Variants in CBFA2T2 observed in about 807,000 individuals in gnomAD.
The protein encoded by CBFA2T2 is protein CBFA2T2.
A neutral mutation model predicts 62.2 loss-of-function variants in CBFA2T2; 11 were observed. The ratio of observed to expected loss-of-function variants is 0.18; its 90% CI spans 0.11 to 0.29. The LOEUF is 0.29. Ranked by LOEUF, CBFA2T2 falls within the 10% of genes least tolerant of loss-of-function variation. CBFA2T2 has a pLI of 1.00. For synonymous variants in CBFA2T2, 295 were observed against 287.5 expected (o/e 1.03, Z -0.27); for missense variants, 592 against 774.1 (o/e 0.76, Z 2.79).
In CBFA2T2 at chr20:33,490,248, C is replaced by CGCGGCG; in HGVS notation, c.-13_-8dup. The CGCGGCG allele has an allele frequency of 8.1e-6, 10 of 1,230,906 alleles. No individual in the cohort carries two copies. The highest frequency in any genetic ancestry group is 1.0e-5 in the Non-Finnish European group (10 of 988,126). The allele number at this position is 1,230,906 out of a possible 1,614,324, so 76.2% of individuals were successfully genotyped here. A position where few individuals can be genotyped will look rare whatever the true frequency, so the allele number is the denominator to read the frequency against. On this transcript the variant is annotated 5_prime_UTR_variant, in exon 1 of 11. Coordinates refer to ENST00000342704, the MANE Select transcript of CBFA2T2 (RefSeq NM_001032999.3). ...GTGTCGCGGGTAGAGGCGGGCGGCGCGCGGCGGCGGCGCTCGGCGATGGTA... is the reference window on the plus strand; with the variant it reads ...GTGTCGCGGGTAGAGGCGGGCGGCGCGCGGCGGCGGCGGCGGCGCTCGGCGATGGTA...
At chr20:33,543,825 A>AAATT (rs766978768) in intron 1 of CBFA2T2, among the ~76,000 whole-genome samples, 1 of 150,904 alleles carries the variant, frequency 6.6e-6, no homozygotes, top group Admixed American at 6.6e-5. Flanking sequence ...AAATTAAATT[A>AAATT]AATTAATTAA....
chr20:33,638,251 G>A (rs960842041), intron 9 of CBFA2T2, among the ~76,000 whole-genome samples: 1 of 152,088 alleles, frequency 6.6e-6, no homozygotes, highest in Non-Finnish European at 1.5e-5. Flanking sequence ...CTAGGATTAG[G>A]ATTACAGGCA....
At chr20:33,642,108 T>G (rs2016864715) in intron 10 of CBFA2T2, among the ~76,000 whole-genome samples, 1 of 55,328 alleles carries the variant, frequency 1.8e-5, no homozygotes, top group African/African-American at 4.9e-5. Flanking sequence ...CCTTTGTCTT[T>G]TTTTTTTTTG....
intron 10 of CBFA2T2, among the ~76,000 whole-genome samples, chr20:33,640,738 C>T (rs777120937): frequency 1.3e-5 from 2 of 151,626 alleles, no homozygotes; most frequent in Non-Finnish European, 2.9e-5. Context: ...TGTATTTTTA[C>T]ATACATACAT....
At chr20:33,642,872 C>T (rs2016906899) in intron 10 of CBFA2T2, among the ~76,000 whole-genome samples, 1 of 152,168 alleles carries the variant, frequency 6.6e-6, no homozygotes. Context: ...TAAATCCCAG[C>T]TCTCCATTTT....
intron 1 of CBFA2T2, among the ~76,000 whole-genome samples, chr20:33,517,521 C>T (rs2011623448): frequency 1.4e-5 from 2 of 146,902 alleles, no homozygotes; most frequent in Admixed American, 1.4e-4. Context: ...GTGATCTTGG[C>T]TCACTGCAAT....
At chr20:33,510,159 T>C (rs1002564778) in intron 1 of CBFA2T2, among the ~76,000 whole-genome samples, 3 of 152,124 alleles carry the variant, frequency 2.0e-5, no homozygotes, top group Non-Finnish European at 4.4e-5. Context: ...CTCATTGTTT[T>C]TTATGGCTGC....
rs531381364 is a variant in CBFA2T2, at chr20:33,609,339, A to G, written c.179-1755A>G. On this transcript the variant is annotated intron_variant, in intron 2 of 10. Coordinates refer to ENST00000342704, the MANE Select transcript of CBFA2T2 (RefSeq NM_001032999.3). ...AACATGGTGAAACCCTGTCTCTACT[A>G]AAAATACAAAAAATTAGCTGGATGT... 6.0e-4 allele frequency among the ~76,000 whole-genome samples: 92 copies of G among 152,170 alleles called. 1 individual carries two copies. The South Asian group carries it at 0.014, about 24-fold the overall frequency.
At chr20:33,592,374 T>TTATATATATA (rs11473567) in intron 1 of CBFA2T2, among the ~76,000 whole-genome samples, 5 of 142,984 alleles carry the variant, frequency 3.5e-5, no homozygotes, top group South Asian at 2.2e-4. Flanking sequence ...AAAAAAAATT[T>TTATATATATA]TATATATATA....
Position 33,636,725 on chromosome 20 carries a change from T to C in CBFA2T2, c.1297+17T>C. 1 of 1,580,156 alleles carries C rather than the reference T, an allele frequency of 6.3e-7. No individual in the cohort carries two copies. Among genetic ancestry groups the C allele is most frequent in the East Asian group, 2.2e-5 (1 of 44,698 alleles). ...AAAAAACAGGTATGTGTCTGACTGC[T>C]TGTAGGTCATACATACTCACTAATT... On this transcript the variant is annotated intron_variant, in intron 9 of 10. Transcript: ENST00000342704.
At chr20:33,587,371 A>T (rs1370067720) in intron 1 of CBFA2T2, among the ~76,000 whole-genome samples, 2 of 151,934 alleles carry the variant, frequency 1.3e-5, no homozygotes, top group African/African-American at 4.8e-5. Context: ...GGTTCAAGTG[A>T]TTCTCCTGCC....
intron 10 of CBFA2T2, among the ~76,000 whole-genome samples, chr20:33,643,611 C>T: frequency 6.6e-6 from 1 of 151,120 alleles, no homozygotes; most frequent in Non-Finnish European, 1.5e-5. Context: ...TCAGTAAAAA[C>T]AATGAAGATT....
rs1258463271 is a variant in CBFA2T2, at chr20:33,490,162, C to T, written c.-106C>T. 7 of 1,126,644 alleles carry T rather than the reference C, an allele frequency of 6.2e-6. No individual in the cohort carries two copies. The African/African-American group carries it at 6.6e-5, about 11-fold the overall frequency. The allele number at this position is 1,126,644 out of a possible 1,614,324, so 69.8% of individuals were successfully genotyped here. A position where few individuals can be genotyped will look rare whatever the true frequency, so the allele number is the denominator to read the frequency against. On this transcript the variant is annotated 5_prime_UTR_variant, in exon 1 of 11. Transcript: ENST00000342704. ...GTTAGCTCGGCGGCTGCAGATCTCG[C>T]GGCGACGCCTGCGAGGGACCCGGGC... is the stretch of plus-strand genomic sequence containing the variant.
At chr20:33,537,827 ACT>A (rs2012307451) in intron 1 of CBFA2T2, among the ~76,000 whole-genome samples, 1 of 151,784 alleles carries the variant, frequency 6.6e-6, no homozygotes, top group South Asian at 2.1e-4. Flanking sequence ...CTGTTTCTGG[ACT>A]CTGTTCCATT....
chr20:33,638,267 C>G (rs1055107364), intron 9 of CBFA2T2, among the ~76,000 whole-genome samples: 1 of 152,046 alleles, frequency 6.6e-6, no homozygotes, highest in Non-Finnish European at 1.5e-5. Context: ...AGGCATGAGC[C>G]TGTAATGTGC....
chr20:33,500,702 C>T (rs963166454), intron 1 of CBFA2T2, among the ~76,000 whole-genome samples: 2 of 151,964 alleles, frequency 1.3e-5, no homozygotes, highest in Non-Finnish European at 2.9e-5. Context: ...GAGCAAGACT[C>T]TGTCTCAAAA....
At position 33,644,533 on chromosome 20, in the gene CBFA2T2, G is replaced by A; in HGVS notation, c.1675G>A (p.Ala559Thr). 6.2e-7 allele frequency: 1 copy of A among 1,613,968 alleles called. No individual in the cohort carries two copies. Among genetic ancestry groups the A allele is most frequent in the Non-Finnish European group, 8.5e-7 (1 of 1,179,992 alleles). ...PLLPVGRGSS[A>T]RSADCSVPSP... is the part of the protein sequence containing the mutation. Reference sequence around the variant, plus strand: ...GCTTCCTGTAGGCAGGGGCTCCTCTGCCAGGTCCGCCGACTGCAGCGTGCC... The same window carrying A: ...GCTTCCTGTAGGCAGGGGCTCCTCTACCAGGTCCGCCGACTGCAGCGTGCC... The change falls in exon 11 of 11, where the codon GCC (alanine) becomes ACC (threonine). Residue 559 changes from alanine (A) to threonine (T), a missense_variant. Coordinates refer to ENST00000342704, the MANE Select transcript of CBFA2T2 (RefSeq NM_001032999.3).
At chr20:33,537,369 C>T (rs550874356) in intron 1 of CBFA2T2, among the ~76,000 whole-genome samples, 22 of 152,338 alleles carry the variant, frequency 1.4e-4, no homozygotes, top group South Asian at 4.1e-4. Context: ...CGCCTGCAAT[C>T]GCAGGCACTC....
intron 1 of CBFA2T2, among the ~76,000 whole-genome samples, chr20:33,552,421 T>C (rs2012764615): frequency 6.6e-6 from 1 of 152,170 alleles, no homozygotes; most frequent in South Asian, 2.1e-4. Context: ...ATAATTGGCT[T>C]AGTAATTGAA....
Sources: gnomAD v4.1 joint callset for allele counts (sites outside exome capture counted in the v4.1 genomes callset) on GRCh38, gnomAD v4.1.1 for gene constraint, MANE v1.5 for transcripts, NCBI Gene and HGNC (gene_info 2026-07-23, HGNC 2026-07-21) for gene names.